MYO16: variants seen among roughly 807,000 people sequenced by gnomAD.
The protein encoded by MYO16 is myosin XVI, also known as unconventional myosin-XVI.
Under a neutral mutation model 205.3 loss-of-function variants are expected in MYO16, and 94 were observed. The ratio of observed to expected loss-of-function variants is 0.46; its 90% confidence interval spans 0.39 to 0.54. MYO16 has a LOEUF of 0.54. Among genes scored for constraint, MYO16 ranks in the 20% least tolerant of loss-of-function variants. The pLI, the probability that MYO16 is intolerant of heterozygous loss-of-function variation, is 0.00. For synonymous variants in MYO16, 988 were observed against 954.0 expected, an observed-to-expected ratio of 1.04 and a Z score of -0.66; for missense variants, 2,315 against 2,387.5, an observed-to-expected ratio of 0.97 and a Z score of 0.63.
intron 9 of MYO16, among the ~76,000 whole-genome samples, chr13:108,836,596 G>A (rs766735627): frequency 1.3e-4 from 20 of 151,906 alleles, no homozygotes; most frequent in Non-Finnish European, 2.2e-4. Flanking sequence ...GAAAGCAGCC[G>A]GGTGCAGGGC....
chr13:108,498,964 T>C, the MYO16 span, among the ~76,000 whole-genome samples: 1 of 152,202 alleles, frequency 6.6e-6, no homozygotes, highest in Non-Finnish European at 1.5e-5. Flanking sequence ...TAGGGGTTCC[T>C]CTGGGGCAAG....
At chr13:109,007,216 A>G (rs368221893) in intron 21 of MYO16, among the ~76,000 whole-genome samples, 3 of 151,998 alleles carry the variant, frequency 2.0e-5, no homozygotes, top group Non-Finnish European at 2.9e-5. Flanking sequence ...GTGAAACCCC[A>G]TCTCTACTAA....
chr13:108,501,747 A>G, the MYO16 span, among the ~76,000 whole-genome samples: 1 of 152,234 alleles, frequency 6.6e-6, no homozygotes, highest in Non-Finnish European at 1.5e-5. Flanking sequence ...GAGAAAACCC[A>G]AAACGAATAA....
chr13:108,700,991 C>T (rs1883285635), intron 2 of MYO16, among the ~76,000 whole-genome samples: 1 of 152,122 alleles, frequency 6.6e-6, no homozygotes, highest in East Asian at 1.9e-4. Flanking sequence ...AATGCCCCAG[C>T]ATAGAAGCCC....
chr13:108,980,540 C>T (rs1264058744), intron 20 of MYO16, among the ~76,000 whole-genome samples: 1 of 152,180 alleles, frequency 6.6e-6, no homozygotes, highest in African/African-American at 2.4e-5. Context: ...TTTGGCTCTC[C>T]ATGACCCTGT....
intron 33 of MYO16, among the ~76,000 whole-genome samples, chr13:109,166,368 A>G (rs960510084): frequency 2.0e-5 from 3 of 152,270 alleles, no homozygotes; most frequent in Admixed American, 1.3e-4. Context: ...AAAACAAAAC[A>G]AATAAAAAAT....
intron 23 of MYO16, among the ~76,000 whole-genome samples, 160 bp downstream of exon 23, chr13:109,020,071 C>G (rs1222568581): frequency 1.3e-5 from 2 of 152,080 alleles, no homozygotes; most frequent in East Asian, 3.9e-4. Flanking sequence ...TTTCTTTTAG[C>G]CTGATGAGGA....
intron 9 of MYO16, among the ~76,000 whole-genome samples, chr13:108,826,910 C>T (rs1876302101): frequency 6.6e-6 from 1 of 152,114 alleles, no homozygotes; most frequent in African/African-American, 2.4e-5. Context: ...TGTGGAGGAA[C>T]TGCCACTCTC....
At chr13:108,564,124 C>T in the MYO16 span, among the ~76,000 whole-genome samples, 1 of 150,102 alleles carries the variant, frequency 6.7e-6, no homozygotes, top group African/African-American at 2.4e-5. Context: ...ATGCCCGTTT[C>T]ATTTGTCTGT....
At chr13:109,079,771 T>C (rs1240162085) in intron 27 of MYO16, among the ~76,000 whole-genome samples, 1 of 152,082 alleles carries the variant, frequency 6.6e-6, no homozygotes, top group African/African-American at 2.4e-5. Flanking sequence ...TAAAGTAAAA[T>C]TGAATAAAAT....
At chr13:109,091,613 G>C (rs767329465) in intron 27 of MYO16, among the ~76,000 whole-genome samples, 3 of 152,162 alleles carry the variant, frequency 2.0e-5, no homozygotes, top group Non-Finnish European at 2.9e-5. Flanking sequence ...ACTGGCGACC[G>C]CATTTCCAAC....
At chr13:109,096,153 C>T (rs934038706) in intron 27 of MYO16, among the ~76,000 whole-genome samples, 16 of 152,268 alleles carry the variant, frequency 1.1e-4, no homozygotes, top group Admixed American at 5.9e-4. Context: ...TCTCCCAGCT[C>T]TGGAAGTGAG....
At chr13:108,650,622 T>C (rs1352091133) in intron 1 of MYO16, among the ~76,000 whole-genome samples, 1 of 152,146 alleles carries the variant, frequency 6.6e-6, no homozygotes, top group Non-Finnish European at 1.5e-5. Context: ...TTTTACTGAG[T>C]ATAAAACCAA....
rs1317266812 is a variant in MYO16 at position 108,666,121 on chromosome 13, C to T, written c.264C>T (p.Asp88=). The T allele has an allele frequency of 1.4e-5, 23 of 1,608,858 alleles. No individual in the cohort carries two copies. Among genetic ancestry groups the T allele is most frequent in the Middle Eastern group, 1.6e-4 (1 of 6,072 alleles). The change falls in exon 2 of 35, where the codon GAC becomes GAT. Residue 88 remains aspartate (D), a synonymous_variant. Coordinates refer to ENST00000457511, the MANE Select transcript of MYO16 (RefSeq NM_001198950.3). Reference sequence around the variant, plus strand: ...TCAACCTCACGGACATGCTACAGGACGCGATTATCCACCACAATGACAAAG... The same window carrying T: ...TCAACCTCACGGACATGCTACAGGATGCGATTATCCACCACAATGACAAAG... The part of the protein sequence containing the change: ...VHFNLTDMLQ[D]AIIHHNDKEV...
At chr13:109,176,741 G>A (rs186787784) in intron 33 of MYO16, among the ~76,000 whole-genome samples, 81 of 151,234 alleles carry the variant, frequency 5.4e-4, no homozygotes, top group African/African-American at 1.7e-3. Flanking sequence ...CTGACTTCTC[G>A]GGCCCAGTCG....
At chr13:108,722,362 T>G (rs370980969) in intron 3 of MYO16, among the ~76,000 whole-genome samples, 1 of 152,172 alleles carries the variant, frequency 6.6e-6, no homozygotes, top group African/African-American at 2.4e-5. Context: ...CATAACAATA[T>G]TATAAGAACA....
chr13:108,886,596 C>T (rs1879903046), intron 13 of MYO16: 1 of 426,354 alleles, frequency 2.3e-6, no homozygotes, highest in Non-Finnish European at 4.7e-6. Flanking sequence ...GGCTCCACCC[C>T]CCGTCCTTCC....
rs190268756 is a variant in MYO16, at chr13:108,647,707, G to A, written c.28+17835G>A. Among the ~76,000 whole-genome samples the A allele has an allele frequency of 2.0e-4, 30 of 152,250 alleles. 1 individual carries two copies. In the East Asian group the frequency reaches 5.4e-3, roughly 27 times the overall value. ...TTCTCTTTATGTATGAGTTAACTTA[G>A]CACTTTGTCCATTCCTCTTTTTTAG... On this transcript the variant is annotated intron_variant, in intron 1 of 34. Transcript: ENST00000457511.
At chr13:108,708,827 A>C (rs1883614046) in intron 2 of MYO16, among the ~76,000 whole-genome samples, 1 of 147,800 alleles carries the variant, frequency 6.8e-6, no homozygotes, top group Non-Finnish European at 1.5e-5. Flanking sequence ...AAATGCTGAC[A>C]ACCAGGTGGA....
Sources: allele counts gnomAD v4.1 joint callset (sites outside exome capture counted in the v4.1 genomes callset), GRCh38; gene constraint gnomAD v4.1.1; transcripts MANE v1.5; gene names NCBI Gene and HGNC (gene_info 2026-07-23, HGNC 2026-07-21).